The following DNAJC6 variants were observed in gnomAD, a reference collection of about 807,000 sequenced individuals.
DNAJC6 encodes auxilin.
In DNAJC6, 34 loss-of-function variants were observed where a neutral mutation model predicts 110.0. The ratio of observed to expected loss-of-function variants is 0.31; its 90% CI spans 0.24 to 0.41. The LOEUF (loss-of-function observed/expected upper bound fraction) is 0.41, where lower values mean the gene tolerates loss of function less well. DNAJC6 is among the 10% of genes least tolerant of loss of function. DNAJC6 has a pLI of 1.00. For missense variants in DNAJC6, 1,031 were observed against 1,207.8 expected, an observed-to-expected ratio of 0.85 and a Z score of 2.17; for synonymous variants, 406 against 437.2, an observed-to-expected ratio of 0.93 and a Z score of 0.89.
intron 1 of DNAJC6, among the ~76,000 whole-genome samples, chr1:65,312,944 C>T (rs983658703): frequency 1.3e-5 from 2 of 151,894 alleles, no homozygotes; most frequent in Admixed American, 6.6e-5. Flanking sequence ...GGATTACAGG[C>T]GTGCACCACC....
At chr1:65,278,118 T>C (rs929654840) in intron 1 of DNAJC6, among the ~76,000 whole-genome samples, 1 of 152,206 alleles carries the variant, frequency 6.6e-6, no homozygotes, top group Non-Finnish European at 1.5e-5. Context: ...GAGTAGGTAT[T>C]TTTTCAGCCT....
intron 1 of DNAJC6, among the ~76,000 whole-genome samples, chr1:65,326,313 A>G (rs1645241175): frequency 6.6e-6 from 1 of 152,230 alleles, no homozygotes; most frequent in African/African-American, 2.4e-5. Flanking sequence ...GCTCTAATGT[A>G]CATGTGCCAA....
chr1:65,286,506 T>C (rs80142687), intron 1 of DNAJC6, among the ~76,000 whole-genome samples: 2,460 of 152,250 alleles, frequency 0.016, 55 homozygotes, highest in African/African-American at 0.057. Context: ...TTCAGCCTCC[T>C]AAAGTGTTGG....
intron 11 of DNAJC6, 92 bp downstream of exon 11, chr1:65,389,719 C>A: frequency 7.2e-7 from 1 of 1,384,196 alleles, no homozygotes; most frequent in Non-Finnish European, 1.0e-6. Context: ...TACATTAAAG[C>A]AGCACTTAGA....
At chr1:65,412,438 G>A (rs945862348) in intron 18 of DNAJC6, among the ~76,000 whole-genome samples, 6 of 152,086 alleles carry the variant, frequency 3.9e-5, no homozygotes, top group Non-Finnish European at 5.9e-5. Flanking sequence ...ACATTTTTTT[G>A]TACTAGTCTG....
intron 1 of DNAJC6, among the ~76,000 whole-genome samples, chr1:65,326,404 T>C (rs1645241960): frequency 6.6e-6 from 1 of 152,128 alleles, no homozygotes; most frequent in South Asian, 2.1e-4. Context: ...TCTTGAAGGA[T>C]GGGTAGGATT....
In DNAJC6 at chr1:65,364,639, C is replaced by T. The variant is rs374727491; in HGVS notation, c.198C>T (p.Ala66=). ...GTTTTTTTTTTTTTTTGGCAGGTGC[C>T]TCATCTCCAGACATGGAGCCCAGCT... ...DRASTMDSSG[A]SSPDMEPSYG... is the part of the protein sequence containing the mutation. The change falls in exon 2 of 19, where the codon GCC becomes GCT. Residue 66 remains alanine (A), a synonymous_variant. Transcript: ENST00000371069. 88 of 1,577,834 alleles carry T rather than the reference C, an allele frequency of 5.6e-5. No homozygotes were observed. The African/African-American group carries it at 1.1e-3, about 19-fold the overall frequency.
intron 11 of DNAJC6, among the ~76,000 whole-genome samples, chr1:65,390,993 G>A (rs1436349065): frequency 2.0e-5 from 3 of 152,122 alleles, no homozygotes; most frequent in Admixed American, 2.0e-4. Context: ...TCTGAAATAG[G>A]TTTTAGTATA....
intron 1 of DNAJC6, among the ~76,000 whole-genome samples, chr1:65,301,286 CA>C (rs1156796539): frequency 6.6e-6 from 1 of 152,092 alleles, no homozygotes; most frequent in Non-Finnish European, 1.5e-5. Flanking sequence ...CAACAAAAAT[CA>C]ACACAAATTA....
chr1:65,267,834 T>C (rs917456746), intron 1 of DNAJC6, among the ~76,000 whole-genome samples: 1 of 151,928 alleles, frequency 6.6e-6, no homozygotes, highest in African/African-American at 2.4e-5. Context: ...TTAGGGCTGC[T>C]GGGAGATGGG....
chr1:65,364,614 G>GTTTTTT, intron 1 of DNAJC6, 21 bp from the exon 2 acceptor site: 11 of 1,424,454 alleles, frequency 7.7e-6, no homozygotes, highest in South Asian at 2.8e-5. Flanking sequence ...TTGTTTGTTT[G>GTTTTTT]TTTTTTTTTT....
At chr1:65,355,157 G>A (rs1200706541) in intron 1 of DNAJC6, among the ~76,000 whole-genome samples, 1 of 151,704 alleles carries the variant, frequency 6.6e-6, no homozygotes, top group Non-Finnish European at 1.5e-5. Flanking sequence ...CAGCTACTCA[G>A]GAGGTGGAGT....
intron 1 of DNAJC6, among the ~76,000 whole-genome samples, chr1:65,325,527 T>A (rs1320657769): frequency 1.3e-5 from 2 of 152,206 alleles, no homozygotes; most frequent in Non-Finnish European, 2.9e-5. Context: ...AGTGTCTAGC[T>A]CAATGAAATT....
At position 65,415,763 on chromosome 1, in the gene DNAJC6, G is replaced by A. The variant is rs985609156; in HGVS notation, c.*2738G>A. On this transcript the variant is annotated 3_prime_UTR_variant, in exon 19 of 19. Coordinates refer to ENST00000371069, the MANE Select transcript of DNAJC6 (RefSeq NM_001256864.2). ...AAGAATGTTCAAGTTGAATCCTAATGCCGTGAATGAAACACAGTCTGTGTA... is the reference window on the plus strand; with the variant it reads ...AAGAATGTTCAAGTTGAATCCTAATACCGTGAATGAAACACAGTCTGTGTA... The A allele has an allele frequency of 1.3e-5, 2 of 152,204 alleles. No homozygotes were observed. The highest frequency in any genetic ancestry group is 2.4e-5 in the African/African-American group (1 of 41,460). 9.4% of individuals were successfully genotyped at this position (152,204 alleles called of 1,614,324 possible). A position where few individuals can be genotyped will look rare whatever the true frequency, so the allele number is the denominator to read the frequency against.
At chr1:65,377,575 T>C (rs1235250635) in intron 4 of DNAJC6, among the ~76,000 whole-genome samples, 1 of 152,218 alleles carries the variant, frequency 6.6e-6, no homozygotes, top group African/African-American at 2.4e-5. Flanking sequence ...CTCCTAAAGG[T>C]ATATGAAAGT....
chr1:65,321,077 G>T (rs1376600974), intron 1 of DNAJC6, among the ~76,000 whole-genome samples: 1 of 152,182 alleles, frequency 6.6e-6, no homozygotes, highest in African/African-American at 2.4e-5. Flanking sequence ...AGACTGTTTG[G>T]CTGCTTGCAT....
At chr1:65,384,567 G>T (rs1645852485) in intron 6 of DNAJC6, among the ~76,000 whole-genome samples, 1 of 152,188 alleles carries the variant, frequency 6.6e-6, no homozygotes, top group African/African-American at 2.4e-5. Flanking sequence ...AGGGGAAGGA[G>T]GAGCAAAGGC....
chr1:65,385,932 C>A, intron 7 of DNAJC6, 26 bp downstream of exon 7: 1 of 1,544,570 alleles, frequency 6.5e-7, no homozygotes, highest in Non-Finnish European at 8.8e-7. Flanking sequence ...TTACTTCTTC[C>A]TATGTACTTC....
chr1:65,388,842 C>G (rs534923205), intron 9 of DNAJC6, among the ~76,000 whole-genome samples: 9 of 152,284 alleles, frequency 5.9e-5, no homozygotes, highest in Non-Finnish European at 1.0e-4. Flanking sequence ...CGACATTAAC[C>G]TATCTCATAG....
Sources: gnomAD v4.1 joint callset for allele counts (sites outside exome capture counted in the v4.1 genomes callset) on GRCh38, gnomAD v4.1.1 for gene constraint, MANE v1.5 for transcripts, NCBI Gene and HGNC (gene_info 2026-07-23, HGNC 2026-07-21) for gene names.